LUZP2: variants seen among roughly 807,000 people sequenced by gnomAD.
LUZP2 encodes leucine zipper protein 2.
In LUZP2, 52 loss-of-function variants were observed where a neutral mutation model predicts 51.6. The observed-to-expected ratio is 1.01, with a 90% confidence interval of 0.81 to 1.27. LUZP2 has a LOEUF of 1.27. Among genes scored for constraint, LUZP2 ranks in the 50% most tolerant of loss-of-function variants. The pLI is 0.00. For synonymous variants in LUZP2, 154 were observed against 137.3 expected (o/e 1.12, Z -0.85); for missense variants, 436 against 395.4 (o/e 1.10, Z -0.87).
chr11:24,927,032 G>T (rs1235626487), intron 7 of LUZP2, among the ~76,000 whole-genome samples: 1 of 150,494 alleles, frequency 6.6e-6, no homozygotes, highest in South Asian at 2.1e-4. Flanking sequence ...ATGTTTGTTG[G>T]CCATTTCTGT....
chr11:24,811,386 A>C (rs1850016237), intron 5 of LUZP2, among the ~76,000 whole-genome samples: 1 of 152,102 alleles, frequency 6.6e-6, no homozygotes, highest in Non-Finnish European at 1.5e-5. Context: ...ATCCAAACTG[A>C]ATTTCTGATA....
At chr11:24,717,316 G>C (rs186106205) in intron 1 of LUZP2, among the ~76,000 whole-genome samples, 1 of 151,616 alleles carries the variant, frequency 6.6e-6, no homozygotes, top group African/African-American at 2.4e-5. Flanking sequence ...TTTAGGTTCA[G>C]CAGTACATGT....
chr11:24,578,381 A>C (rs1852729504), intron 1 of LUZP2, among the ~76,000 whole-genome samples: 1 of 152,074 alleles, frequency 6.6e-6, no homozygotes, highest in Non-Finnish European at 1.5e-5. Flanking sequence ...ATGATAAAGA[A>C]AAATGTGAAA....
At chr11:24,713,683 G>GTTT (rs374748977) in intron 1 of LUZP2, among the ~76,000 whole-genome samples, 2,119 of 89,650 alleles carry the variant, frequency 0.024, 265 homozygotes, top group African/African-American at 0.085. Context: ...GTGAGAATCT[G>GTTT]TTTTTTTTTT....
chr11:24,839,594 G>T (rs1156943632), intron 5 of LUZP2, among the ~76,000 whole-genome samples: 1 of 151,642 alleles, frequency 6.6e-6, no homozygotes, highest in African/African-American at 2.4e-5. Flanking sequence ...CTTTGTCACT[G>T]CTAAATGATC....
chr11:24,599,569 TAATC>T (rs1853553487), intron 1 of LUZP2, among the ~76,000 whole-genome samples: 1 of 152,206 alleles, frequency 6.6e-6, no homozygotes, highest in Admixed American at 6.6e-5. Flanking sequence ...CAAGCATAGA[TAATC>T]AATCACACCT....
chr11:24,740,523 G>C (rs906908938), intron 4 of LUZP2, among the ~76,000 whole-genome samples: 3 of 152,122 alleles, frequency 2.0e-5, no homozygotes, highest in Non-Finnish European at 4.4e-5. Context: ...ATGTGCTTCA[G>C]AGTAAGAGTG....
chr11:25,063,798 A>G (rs1220973477), intron 10 of LUZP2, among the ~76,000 whole-genome samples: 1 of 151,856 alleles, frequency 6.6e-6, no homozygotes, highest in African/African-American at 2.4e-5. Flanking sequence ...TGTAATGTGT[A>G]TCAGGAGCTT....
chr11:24,650,758 A>ATATT (rs1855601685), intron 1 of LUZP2, among the ~76,000 whole-genome samples: 1 of 152,046 alleles, frequency 6.6e-6, no homozygotes, highest in Non-Finnish European at 1.5e-5. Context: ...TTTTTGACTC[A>ATATT]TATTTCTGTT....
intron 5 of LUZP2, among the ~76,000 whole-genome samples, chr11:24,904,156 T>G (rs1853367117): frequency 6.6e-6 from 1 of 152,194 alleles, no homozygotes; most frequent in African/African-American, 2.4e-5. Context: ...TGCCTTTTGA[T>G]AATAACCATC....
At chr11:25,051,837 T>C (rs1858526178) in intron 10 of LUZP2, among the ~76,000 whole-genome samples, 1 of 152,202 alleles carries the variant, frequency 6.6e-6, no homozygotes, top group African/African-American at 2.4e-5. Context: ...AATTTATGTG[T>C]GGTTTGCTAG....
chr11:24,561,133 C>A (rs868709472), intron 1 of LUZP2, among the ~76,000 whole-genome samples: 48 of 152,260 alleles, frequency 3.2e-4, no homozygotes, highest in Middle Eastern at 6.8e-3. Context: ...AGGTACTGTG[C>A]TAGACTCTGG....
chr11:24,649,845 G>A (rs898172295), intron 1 of LUZP2, among the ~76,000 whole-genome samples: 3 of 151,850 alleles, frequency 2.0e-5, no homozygotes, highest in Non-Finnish European at 4.4e-5. Flanking sequence ...CTTGCTGAAA[G>A]CTTGGGCCAC....
At chr11:24,809,048 T>G (rs534291599) in intron 5 of LUZP2, among the ~76,000 whole-genome samples, 3 of 152,272 alleles carry the variant, frequency 2.0e-5, no homozygotes, top group Admixed American at 2.0e-4. Flanking sequence ...GCTATTCATA[T>G]GTGGTCACTG....
intron 1 of LUZP2, among the ~76,000 whole-genome samples, chr11:24,570,592 A>C (rs1852402136): frequency 6.6e-6 from 1 of 152,066 alleles, no homozygotes; most frequent in East Asian, 1.9e-4. Flanking sequence ...GAAGAGAGTG[A>C]GCAGAATTAG....
At chr11:25,025,316 A>T (rs898314578) in intron 9 of LUZP2, among the ~76,000 whole-genome samples, 1 of 152,174 alleles carries the variant, frequency 6.6e-6, no homozygotes, top group South Asian at 2.1e-4. Flanking sequence ...TAAACTAAAG[A>T]GCTTCTGCAC....
At chr11:24,971,652 T>A (rs144028036) in intron 7 of LUZP2, among the ~76,000 whole-genome samples, 9 of 152,230 alleles carry the variant, frequency 5.9e-5, no homozygotes, top group Non-Finnish European at 1.0e-4. Context: ...AAAAAAAAAT[T>A]ATAAAAAATA....
At chr11:24,887,248 C>T (rs977297791) in intron 5 of LUZP2, among the ~76,000 whole-genome samples, 1 of 152,020 alleles carries the variant, frequency 6.6e-6, no homozygotes, top group Admixed American at 6.6e-5. Flanking sequence ...ATATAACACA[C>T]CACCAAAGCA....
chr11:24,814,885 G>A (rs1375770961), intron 5 of LUZP2, among the ~76,000 whole-genome samples: 1 of 151,888 alleles, frequency 6.6e-6, no homozygotes, highest in Non-Finnish European at 1.5e-5. Context: ...CCAGCTACTC[G>A]GGAGGCTGAG....
Sources: gnomAD v4.1 joint callset for allele counts (sites outside exome capture counted in the v4.1 genomes callset) on GRCh38, gnomAD v4.1.1 for gene constraint, MANE v1.5 for transcripts, NCBI Gene and HGNC (gene_info 2026-07-23, HGNC 2026-07-21) for gene names.